CEP192: variants seen among roughly 807,000 people sequenced by gnomAD.
CEP192 encodes centrosomal protein 192.
In CEP192, 151 loss-of-function variants were observed where a neutral mutation model predicts 271.8. The ratio of observed to expected loss-of-function variants is 0.56; its 90% CI spans 0.49 to 0.64. CEP192 has a LOEUF of 0.64. Among genes scored for constraint, CEP192 ranks in the 30% least tolerant of loss-of-function variants. The pLI, the probability that CEP192 is intolerant of heterozygous loss-of-function variation, is 0.00. For synonymous variants in CEP192, 995 were observed against 1,076.5 expected, an observed-to-expected ratio of 0.92 and a Z score of 1.48; for missense variants, 2,910 against 3,020.5, an observed-to-expected ratio of 0.96 and a Z score of 0.86.
chr18:13,059,223 T>C lies in CEP192; in HGVS notation c.4399T>C (p.Cys1467Arg), dbSNP rs573622366. 4 of 1,614,226 alleles carry C rather than the reference T, an allele frequency of 2.5e-6. No homozygotes were observed. The highest frequency in any genetic ancestry group is 2.2e-5 in the East Asian group (1 of 44,888). Residue 1467 changes from cysteine (C) to arginine (R), a missense_variant, in exon 21 of 45, where the codon TGT (cysteine) becomes CGT (arginine). Transcript: ENST00000506447. The stretch of plus-strand genomic sequence containing the variant: ...CACATTCAGTGTTGCTTCTTGGCCA[T>C]GTTCGACAGATGCTGAGACCATCGT... ...RCTFSVASWPCSTDAETIVQA... is the reference protein window; with the variant it reads ...RCTFSVASWPRSTDAETIVQA...
At chr18:13,001,311 C>G in intron 2 of CEP192, 146 bp from the exon 3 acceptor site, 1 of 573,552 alleles carries the variant, frequency 1.7e-6, no homozygotes. Flanking sequence ...CCGTGCTTTG[C>G]ACAGAGGATG....
chr18:13,008,661 T>A (rs1568271469), intron 4 of CEP192, 30 bp downstream of exon 4: 1 of 1,456,316 alleles, frequency 6.9e-7, no homozygotes, highest in Non-Finnish European at 9.2e-7. Context: ...TATTTCTTAA[T>A]GCATATGTTT....
chr18:13,093,908 C>G (rs543254603), intron 34 of CEP192, among the ~76,000 whole-genome samples: 4 of 152,186 alleles, frequency 2.6e-5, no homozygotes, highest in Non-Finnish European at 4.4e-5. Flanking sequence ...GGAGATTTCA[C>G]CAAATCACCT....
intron 33 of CEP192, among the ~76,000 whole-genome samples, chr18:13,089,959 C>T (rs941550965): frequency 1.3e-5 from 2 of 152,140 alleles, no homozygotes; most frequent in Admixed American, 6.5e-5. Flanking sequence ...CAAACTTGCA[C>T]TCATTTTGAG....
intron 3 of CEP192, among the ~76,000 whole-genome samples, chr18:13,003,067 G>T (rs2033749086): frequency 6.6e-6 from 1 of 152,198 alleles, no homozygotes; most frequent in South Asian, 2.1e-4. Context: ...TATATTGAAA[G>T]GGAAAAGTGC....
At chr18:13,003,879 G>A (rs758982323) in intron 3 of CEP192, among the ~76,000 whole-genome samples, 1 of 152,158 alleles carries the variant, frequency 6.6e-6, no homozygotes, top group Non-Finnish European at 1.5e-5. Flanking sequence ...CACATTGTCT[G>A]GGAGTGAGGC....
At chr18:13,085,018 G>T (rs1047969296) in intron 30 of CEP192, among the ~76,000 whole-genome samples, 1 of 151,406 alleles carries the variant, frequency 6.6e-6, no homozygotes, top group African/African-American at 2.4e-5. Context: ...GTAGAAAAGG[G>T]GTTTCACCAT....
chr18:13,031,244 T>G (rs1038130189), intron 11 of CEP192, among the ~76,000 whole-genome samples: 11 of 70,510 alleles, frequency 1.6e-4, no homozygotes, highest in Non-Finnish European at 2.7e-4. Flanking sequence ...CTTATTGTTG[T>G]TTTTTTTTTT....
intron 3 of CEP192, among the ~76,000 whole-genome samples, chr18:13,003,077 C>T (rs772407608): frequency 4.6e-5 from 7 of 151,916 alleles, no homozygotes; most frequent in Non-Finnish European, 8.8e-5. Flanking sequence ...GGGAAAAGTG[C>T]TAGAAAAAAA....
intron 32 of CEP192, among the ~76,000 whole-genome samples, chr18:13,088,219 G>A (rs1437137081): frequency 6.6e-6 from 1 of 152,136 alleles, no homozygotes; most frequent in Non-Finnish European, 1.5e-5. Context: ...AGGCTGAGGT[G>A]GGAGGATTGC....
At chr18:13,047,375 A>T (rs1029681706) in intron 15 of CEP192, among the ~76,000 whole-genome samples, 18 of 151,588 alleles carry the variant, frequency 1.2e-4, no homozygotes, top group African/African-American at 4.1e-4. Context: ...ACACACACAC[A>T]CACCTCCTAA....
chr18:13,121,991 T>C (rs2040683333), intron 44 of CEP192, among the ~76,000 whole-genome samples: 1 of 152,254 alleles, frequency 6.6e-6, no homozygotes. Flanking sequence ...AACTGTTCCT[T>C]TAAAAAAATG....
chr18:13,056,706 G>A lies in CEP192; in HGVS notation c.4108+8G>A. 1 of 1,558,572 alleles carries A rather than the reference G, an allele frequency of 6.4e-7. No individual in the cohort carries two copies. The highest frequency in any genetic ancestry group is 1.2e-5 in the South Asian group (1 of 81,832). On this transcript the variant is annotated splice_region_variant and intron_variant, in intron 19 of 44. Coordinates refer to ENST00000506447, the MANE Select transcript of CEP192 (RefSeq NM_032142.4). ...GAGTGACATCAGGATTGGGTAAGAT[G>A]CTTTTTCTCTATTATTATTACTTGC...
At chr18:13,039,886 AG>A (rs1211804452) in intron 13 of CEP192, among the ~76,000 whole-genome samples, 3 of 152,232 alleles carry the variant, frequency 2.0e-5, no homozygotes, top group African/African-American at 7.2e-5. Flanking sequence ...GCTGGGGACA[AG>A]GATGACCTAG....
chr18:13,095,728 G>T, intron 35 of CEP192, 47 bp downstream of exon 35: 1 of 1,533,124 alleles, frequency 6.5e-7, no homozygotes, highest in Non-Finnish European at 8.9e-7. Context: ...CCGGCGTCCG[G>T]GCCTGCACTC....
In CEP192 at chr18:13,124,816, G is replaced by T; in HGVS notation, c.*46G>T. 1 of 1,427,490 alleles carries T rather than the reference G, an allele frequency of 7.0e-7. No individual in the cohort carries two copies. Among genetic ancestry groups the T allele is most frequent in the South Asian group, 1.2e-5 (1 of 82,048 alleles). 88.4% of individuals were successfully genotyped at this position (1,427,490 alleles called of 1,614,324 possible). A position where few individuals can be genotyped will look rare whatever the true frequency, so the allele number is the denominator to read the frequency against. On this transcript the variant is annotated 3_prime_UTR_variant, in exon 45 of 45. Coordinates refer to ENST00000506447, the MANE Select transcript of CEP192 (RefSeq NM_032142.4). ...AAGTAAATTACATAAGTTGTATTTT[G>T]TTAACTTTATCTTTCTACACTACAA... is the stretch of plus-strand genomic sequence containing the variant.
rs557013123 is a variant in CEP192, at chr18:13,020,355, A to G, written c.1050+1149A>G. Among the ~76,000 whole-genome samples, 12 of 152,270 alleles carry G rather than the reference A, an allele frequency of 7.9e-5. 2 individuals carry two copies. Among genetic ancestry groups the G allele is most frequent in the African/African-American group, 2.9e-4 (12 of 41,562 alleles). On this transcript the variant is annotated intron_variant, in intron 9 of 44. Coordinates refer to ENST00000506447, the MANE Select transcript of CEP192 (RefSeq NM_032142.4). ...ATATTTGGCCTTCTGTGTCTGGCTT[A>G]TTTTATTAAGCGTGATGTTTTCAAG...
rs1272888773 is a variant in CEP192 at position 13,095,667 on chromosome 18, T to C, written c.6419T>C (p.Val2140Ala). 2.5e-5 allele frequency: 41 copies of C among 1,612,732 alleles called. No individual in the cohort carries two copies. The highest frequency in any genetic ancestry group is 3.5e-5 in the Non-Finnish European group (41 of 1,179,626). ...WTVLPEHLIL[V>A]APSPCDMAKT... ...GTCCTACCCGAGCACTTGATTCTGG[T>C]AGCTCCTTCTCCTTGTGAGTATGTC... The change falls in exon 35 of 45, where the codon GTA becomes GCA. Residue 2140 changes from valine (V) to alanine (A), a missense_variant. Val to Ala is a moderately conservative substitution (Grantham distance 64). Transcript: ENST00000506447.
chr18:13,098,216 G>T lies in CEP192; in HGVS notation c.6558-1260G>T, dbSNP rs549665273. Among the ~76,000 whole-genome samples the T allele has an allele frequency of 2.9e-3, 448 of 152,256 alleles. 3 individuals carry two copies. The highest frequency in any genetic ancestry group is 3.3e-3 in the Non-Finnish European group (227 of 68,022). ...GACGGGCTCCTCACTTCCCAGTAGG[G>T]GCGGCCGGGCAGAGGCACCCCTCAC... is the stretch of plus-strand genomic sequence containing the variant. On this transcript the variant is annotated intron_variant, in intron 36 of 44. Coordinates refer to ENST00000506447, the MANE Select transcript of CEP192 (RefSeq NM_032142.4).
Sources: allele counts gnomAD v4.1 joint callset (sites outside exome capture counted in the v4.1 genomes callset), GRCh38; gene constraint gnomAD v4.1.1; transcripts MANE v1.5; gene names NCBI Gene and HGNC (gene_info 2026-07-23, HGNC 2026-07-21).